The following CKAP2 variants were observed in gnomAD, a reference collection of about 807,000 sequenced individuals.
CKAP2 encodes cytoskeleton-associated protein 2.
CKAP2 carries 46 observed loss-of-function variants against 58.4 expected under a neutral mutation model. The observed-to-expected ratio is 0.79, with a 90% CI of 0.62 to 1.01. The LOEUF (loss-of-function observed/expected upper bound fraction) is 1.01, where lower values mean the gene tolerates loss of function less well. CKAP2 is among the 50% of genes least tolerant of loss of function. The pLI, the probability that CKAP2 is intolerant of heterozygous loss-of-function variation, is 0.00. For missense variants in CKAP2, 809 were observed against 796.4 expected (o/e 1.02, Z -0.19); for synonymous variants, 293 against 280.9 (o/e 1.04, Z -0.43).
At chr13:52,459,205 T>C (rs1404178080) in intron 2 of CKAP2, among the ~76,000 whole-genome samples, 1 of 152,174 alleles carries the variant, frequency 6.6e-6, no homozygotes, top group Non-Finnish European at 1.5e-5. Context: ...TAGTACAGGT[T>C]GTGTCAAAGT....
intron 6 of CKAP2, among the ~76,000 whole-genome samples, chr13:52,467,841 A>T (rs1480054782): frequency 1.4e-5 from 2 of 146,720 alleles, no homozygotes; most frequent in Admixed American, 6.9e-5. Flanking sequence ...ATGGAGTCTC[A>T]CTCTCTCGCC....
At chr13:52,469,864 G>A (rs1230489524) in intron 7 of CKAP2, among the ~76,000 whole-genome samples, 1 of 149,544 alleles carries the variant, frequency 6.7e-6, no homozygotes, top group Non-Finnish European at 1.5e-5. Context: ...CCAAAGTGCT[G>A]GGATTACAGG....
rs1199570661 is a variant in CKAP2 at position 52,475,120 on chromosome 13, C to CT, written c.2029dup (p.Tyr677LeufsTer2). On this transcript the variant is annotated frameshift_variant, in exon 9 of 9. Transcript: ENST00000258607. LOFTEE classifies it high-confidence loss of function. ...CTAATGCAGCACTGTGCCGGGTGTA[C>CT]TATGAGGCTGATACAACATAAGAGA... The CT allele has an allele frequency of 3.1e-6, 5 of 1,614,032 alleles. No individual in the cohort carries two copies. The East Asian group carries it at 1.1e-4, about 36-fold the overall frequency.
chr13:52,466,297 T>G (rs1958676597), intron 6 of CKAP2, among the ~76,000 whole-genome samples: 1 of 152,226 alleles, frequency 6.6e-6, no homozygotes, highest in Admixed American at 6.5e-5. Flanking sequence ...ACCAGGTTTC[T>G]CAGAAACACA....
chr13:52,470,162 G>T (rs1206119387), intron 7 of CKAP2, among the ~76,000 whole-genome samples: 1 of 150,064 alleles, frequency 6.7e-6, no homozygotes, highest in African/African-American at 2.5e-5. Flanking sequence ...CTGGAGTTCA[G>T]TGGCGCAATC....
intron 6 of CKAP2, among the ~76,000 whole-genome samples, chr13:52,466,050 C>T (rs45459894): frequency 2.7e-5 from 4 of 150,358 alleles, no homozygotes; most frequent in African/African-American, 7.5e-5. Context: ...TACACACACA[C>T]ATATATATAT....
chr13:52,471,030 T>G (rs1958754736), intron 7 of CKAP2, among the ~76,000 whole-genome samples: 1 of 152,032 alleles, frequency 6.6e-6, no homozygotes, highest in East Asian at 1.9e-4. Context: ...TGGTAGCATG[T>G]GCCTGTAATC....
At position 52,472,058 on chromosome 13, in the gene CKAP2, ATCT is replaced by A. The variant is rs1261140470; in HGVS notation, c.1547-1767_1547-1765del. Among the ~76,000 whole-genome samples the A allele has an allele frequency of 3.3e-5, 5 of 152,120 alleles. No homozygotes were observed. The East Asian group carries it at 9.7e-4, about 29-fold the overall frequency. Reference sequence around the variant, plus strand: ...TTTCCCTCCAGGTCTCTCCAAGACAATCTTCTACTTTTTCTTAATTTCTGCTTA... The same window carrying A: ...TTTCCCTCCAGGTCTCTCCAAGACAATCTACTTTTTCTTAATTTCTGCTTA... On this transcript the variant is annotated intron_variant, in intron 7 of 8. Transcript: ENST00000258607.
At chr13:52,474,725 A>G (rs1958804430) in intron 8 of CKAP2, among the ~76,000 whole-genome samples, 170 bp from the exon 9 acceptor site, 1 of 152,238 alleles carries the variant, frequency 6.6e-6, no homozygotes, top group East Asian at 1.9e-4. Flanking sequence ...ACAAATTGAG[A>G]AAAGGATAAG....
chr13:52,455,773 C>T lies in CKAP2; in HGVS notation c.70+147C>T, dbSNP rs1958467640. On this transcript the variant is annotated intron_variant, in intron 1 of 8. Transcript: ENST00000258607. ...GAACGCGGCGTCGGCCTCGCCCTGC[C>T]TCATTCTTGGCCTTGTGGAACGGAT... 1.6e-5 allele frequency: 16 copies of T among 1,010,988 alleles called. No individual in the cohort carries two copies. The East Asian group carries it at 5.3e-4, about 34-fold the overall frequency. 62.6% of individuals were successfully genotyped at this position (1,010,988 alleles called of 1,614,324 possible).
intron 2 of CKAP2, among the ~76,000 whole-genome samples, chr13:52,460,470 A>T (rs973779854): frequency 4.0e-5 from 6 of 151,308 alleles, no homozygotes; most frequent in Admixed American, 3.3e-4. Context: ...TTTGAGACAG[A>T]GTCTCTCTCT....
chr13:52,468,089 C>T (rs558315274), intron 6 of CKAP2, among the ~76,000 whole-genome samples, 189 bp from the exon 7 acceptor site: 9 of 152,024 alleles, frequency 5.9e-5, no homozygotes, highest in South Asian at 2.1e-4. Flanking sequence ...GGATTACAGG[C>T]GTGAGCCATC....
At chr13:52,470,337 T>G (rs1278465019) in intron 7 of CKAP2, among the ~76,000 whole-genome samples, 1 of 152,078 alleles carries the variant, frequency 6.6e-6, no homozygotes, top group Non-Finnish European at 1.5e-5. Flanking sequence ...ACTCCTGACC[T>G]CAGGTGATCC....
chr13:52,476,482 A>G lies in CKAP2; in HGVS notation c.*1341A>G, dbSNP rs1274628852. 1 of 152,226 alleles carries G rather than the reference A, an allele frequency of 6.6e-6. No individual in the cohort carries two copies. Among genetic ancestry groups the G allele is most frequent in the Non-Finnish European group, 1.5e-5 (1 of 68,034 alleles). The allele number at this position is 152,226 out of a possible 1,614,324, so 9.4% of individuals were successfully genotyped here. Reference sequence around the variant, plus strand: ...GTTTTTGACACTTAAGTACATGCTTAATGATATATTTTCAAAAGTCATCAG... The same window carrying G: ...GTTTTTGACACTTAAGTACATGCTTGATGATATATTTTCAAAAGTCATCAG... On this transcript the variant is annotated 3_prime_UTR_variant, in exon 9 of 9. Coordinates refer to ENST00000258607, the MANE Select transcript of CKAP2 (RefSeq NM_018204.5).
intron 2 of CKAP2, among the ~76,000 whole-genome samples, chr13:52,457,665 T>C (rs2137832321): frequency 6.6e-6 from 1 of 152,198 alleles, no homozygotes; most frequent in East Asian, 1.9e-4. Flanking sequence ...CCAGCCTGGC[T>C]AACACAGTGA....
Position 52,455,547 on chromosome 13 carries a change from C to T in CKAP2, c.-10C>T, listed in dbSNP as rs1356929484. ...TAAAGCGGAGACGCATCCCCCGACC[C>T]GAGGCTACGATGAGCACACCGGCCG... On this transcript the variant is annotated 5_prime_UTR_variant, in exon 1 of 9. Transcript: ENST00000258607. 1.2e-6 allele frequency: 2 copies of T among 1,612,708 alleles called. No homozygotes were observed. The highest frequency in any genetic ancestry group is 2.2e-5 in the East Asian group (1 of 44,854).
intron 7 of CKAP2, among the ~76,000 whole-genome samples, chr13:52,471,632 C>T (rs1958762696): frequency 2.0e-5 from 3 of 152,062 alleles, no homozygotes; most frequent in Admixed American, 6.6e-5. Flanking sequence ...TCTTTTAGTT[C>T]TCTGTCTTAA....
In CKAP2 at chr13:52,462,302, T is replaced by TTTTCTC. The variant is rs149771644; in HGVS notation, c.1101-60_1101-59insTTCTCT. The TTTTCTC allele has an allele frequency of 4.1e-3, 5,954 of 1,442,826 alleles. 47 individuals carry two copies. Among genetic ancestry groups the TTTTCTC allele is most frequent in the Middle Eastern group, 0.02 (110 of 5,592 alleles). 89.4% of individuals were successfully genotyped at this position (1,442,826 alleles called of 1,614,324 possible). On this transcript the variant is annotated intron_variant, in intron 4 of 8. Transcript: ENST00000258607. Reference sequence around the variant, plus strand: ...AAAAATATGATTTTTTCTTTTAACTTTATTTGACAGAGTTCTGTCAGCAAT... The same window carrying TTTTCTC: ...AAAAATATGATTTTTTCTTTTAACTTTTTCTCTATTTGACAGAGTTCTGTCAGCAAT...
chr13:52,458,686 A>T (rs1958524370), intron 2 of CKAP2, among the ~76,000 whole-genome samples: 1 of 152,070 alleles, frequency 6.6e-6, no homozygotes, highest in South Asian at 2.1e-4. Context: ...AACATGGTGA[A>T]ACCCCGTCTC....
Sources: allele counts gnomAD v4.1 joint callset (sites outside exome capture counted in the v4.1 genomes callset), GRCh38; gene constraint gnomAD v4.1.1; transcripts MANE v1.5; gene names NCBI Gene and HGNC (gene_info 2026-07-23, HGNC 2026-07-21).